The following SAMMSON variants were observed in gnomAD, a reference collection of about 807,000 sequenced individuals.
SAMMSON encodes long intergenic non-protein coding RNA 1212.
At chr3:70,184,764 C>T (rs1701080077) in intron 4 of SAMMSON, among the ~76,000 whole-genome samples, 1 of 152,194 alleles carries the variant, frequency 6.6e-6, no homozygotes, top group South Asian at 2.1e-4. Flanking sequence ...GAGGTCATGT[C>T]ACCTTTCTGG....
At chr3:70,434,294 T>A (rs1376262226) in intron 2 of SAMMSON, among the ~76,000 whole-genome samples, 1 of 152,186 alleles carries the variant, frequency 6.6e-6, no homozygotes, top group African/African-American at 2.4e-5. Context: ...TAGCTCTTTT[T>A]TATTTCCTTC....
chr3:70,348,504 C>T (rs964670268), intron 7 of SAMMSON, among the ~76,000 whole-genome samples: 9 of 152,116 alleles, frequency 5.9e-5, no homozygotes, highest in Non-Finnish European at 1.2e-4. Flanking sequence ...GAGCTCTAGA[C>T]CCTCCATCCC....
chr3:70,197,989 T>A (rs748482450), intron 4 of SAMMSON, among the ~76,000 whole-genome samples: 7 of 152,180 alleles, frequency 4.6e-5, no homozygotes, highest in Admixed American at 2.0e-4. Context: ...GGTTATAGAT[T>A]ATTATGTTTT....
intron 4 of SAMMSON, among the ~76,000 whole-genome samples, chr3:70,111,012 G>A (rs1160713055): frequency 2.0e-5 from 3 of 152,120 alleles, no homozygotes; most frequent in Non-Finnish European, 4.4e-5. Context: ...TTCCTCATTA[G>A]GTCAATTATT....
intron 4 of SAMMSON, among the ~76,000 whole-genome samples, chr3:70,073,278 G>A (rs1032775465): frequency 9.2e-5 from 14 of 151,984 alleles, no homozygotes; most frequent in African/African-American, 3.4e-4. Flanking sequence ...TTAGGTGTTG[G>A]CACATTTCTT....
At chr3:70,190,377 C>T (rs554406750) in intron 4 of SAMMSON, among the ~76,000 whole-genome samples, 1 of 152,254 alleles carries the variant, frequency 6.6e-6, no homozygotes, top group East Asian at 1.9e-4. Flanking sequence ...TCCTCCTCCA[C>T]CACTTTAATC....
chr3:70,212,303 C>T (rs1411745998), intron 4 of SAMMSON, among the ~76,000 whole-genome samples: 1 of 152,136 alleles, frequency 6.6e-6, no homozygotes, highest in Non-Finnish European at 1.5e-5. Flanking sequence ...TTGTGGGTAA[C>T]TAGCGAAATC....
At chr3:70,084,235 G>T (rs1051696733) in intron 4 of SAMMSON, among the ~76,000 whole-genome samples, 2 of 152,056 alleles carry the variant, frequency 1.3e-5, no homozygotes, top group African/African-American at 4.8e-5. Context: ...AAATCATTTT[G>T]CCTGGAGACT....
At chr3:70,196,123 A>G (rs977415096) in intron 4 of SAMMSON, among the ~76,000 whole-genome samples, 1 of 152,318 alleles carries the variant, frequency 6.6e-6, no homozygotes, top group East Asian at 1.9e-4. Flanking sequence ...GACAAATAAA[A>G]ATGAAGAAAG....
At chr3:70,431,357 A>G (rs1701411040) in intron 2 of SAMMSON, among the ~76,000 whole-genome samples, 1 of 152,070 alleles carries the variant, frequency 6.6e-6, no homozygotes, top group Non-Finnish European at 1.5e-5. Context: ...TTTGTCAGGT[A>G]TAACCTGTGT....
chr3:70,237,100 T>C (rs1701617587), intron 4 of SAMMSON, among the ~76,000 whole-genome samples: 1 of 152,200 alleles, frequency 6.6e-6, no homozygotes, highest in South Asian at 2.1e-4. Flanking sequence ...GGATAAAGCT[T>C]TTCCAGATCT....
intron 3 of SAMMSON, among the ~76,000 whole-genome samples, chr3:70,047,335 T>C (rs1351374464): frequency 6.8e-5 from 10 of 146,374 alleles, no homozygotes; most frequent in Admixed American, 2.0e-4. Context: ...CTCTCTCTCT[T>C]TTTTTTTTTT....
intron 9 of SAMMSON, among the ~76,000 whole-genome samples, chr3:70,362,436 A>C (rs1702879811): frequency 6.6e-6 from 1 of 152,140 alleles, no homozygotes; most frequent in South Asian, 2.1e-4. Context: ...GGTGTTCTGC[A>C]TGTATAGAAA....
chr3:70,165,979 T>G (rs911434033), intron 4 of SAMMSON, among the ~76,000 whole-genome samples: 3 of 152,016 alleles, frequency 2.0e-5, no homozygotes, highest in African/African-American at 7.2e-5. Flanking sequence ...GGACATTTAA[T>G]TCCTCTGAGC....
intron 4 of SAMMSON, among the ~76,000 whole-genome samples, chr3:70,124,830 A>G (rs1175612336): frequency 6.6e-6 from 1 of 150,430 alleles, no homozygotes; most frequent in East Asian, 1.9e-4. Flanking sequence ...AAAAAAAAAA[A>G]AAAAAAAAAG....
intron 2 of SAMMSON, among the ~76,000 whole-genome samples, chr3:70,404,763 G>T (rs1043395870): frequency 6.6e-6 from 1 of 152,078 alleles, no homozygotes; most frequent in Non-Finnish European, 1.5e-5. Flanking sequence ...GTTTCTATCC[G>T]AGGCACTTTC....
At chr3:70,125,789 G>A (rs1252046741) in intron 4 of SAMMSON, 10 of 656,846 alleles carry the variant, frequency 1.5e-5, no homozygotes, top group East Asian at 1.4e-4. Flanking sequence ...CTCACATGGC[G>A]CTGCCTTATT....
chr3:70,137,848 G>A (rs548716663), intron 4 of SAMMSON, among the ~76,000 whole-genome samples: 2 of 152,050 alleles, frequency 1.3e-5, no homozygotes, highest in Admixed American at 1.3e-4. Context: ...TACACTTCTA[G>A]CACATCTTGG....
intron 3 of SAMMSON, among the ~76,000 whole-genome samples, chr3:70,067,449 G>C (rs979602778): frequency 9.2e-5 from 14 of 152,108 alleles, no homozygotes; most frequent in African/African-American, 3.1e-4. Flanking sequence ...AGAAATTCAT[G>C]ATTCATTGAC....
Sources: gnomAD v4.1 joint callset for allele counts (sites outside exome capture counted in the v4.1 genomes callset) on GRCh38, gnomAD v4.1.1 for gene constraint, MANE v1.5 for transcripts, NCBI Gene and HGNC (gene_info 2026-07-23, HGNC 2026-07-21) for gene names.